Variants in ARHGEF2 observed in about 807,000 individuals in gnomAD.
The protein encoded by ARHGEF2 is Rho/Rac guanine nucleotide exchange factor 2.
ARHGEF2 carries 22 observed loss-of-function variants against 121.0 expected under a neutral mutation model. The observed-to-expected ratio is 0.18, with a 90% CI of 0.13 to 0.26. The LOEUF (loss-of-function observed/expected upper bound fraction) is 0.26. Ranked by LOEUF, ARHGEF2 falls within the 10% of genes least tolerant of loss-of-function variation. The pLI is 1.00. For synonymous variants in ARHGEF2, 487 were observed against 530.0 expected, an observed-to-expected ratio of 0.92 and a Z score of 1.11; for missense variants, 907 against 1,336.0, an observed-to-expected ratio of 0.68 and a Z score of 5.01.
chr1:155,978,644 GC>G (rs1333132244), upstream of ARHGEF2: 19 of 1,204,830 alleles, frequency 1.6e-5, no homozygotes, highest in Non-Finnish European at 1.9e-5. This position sits in a 1 kb window ranked among gnomAD's most constrained non-coding sequence, Gnocchi z 4.1. Flanking sequence ...AGGGCGGGGT[GC>G]CCGCGCGCAG....
chr1:155,970,558 G>A lies in ARHGEF2; in HGVS notation c.64-1258C>T, dbSNP rs181676052. On this transcript the variant is annotated intron_variant, in intron 1 of 21. Coordinates refer to ENST00000361247, the MANE Select transcript of ARHGEF2 (RefSeq NM_001162383.2). ...ATCAGGATCCAGATGGCTGAGGGTAGAAGCCCCAAGTCAGAGGACCTGGAC... is the reference window on the plus strand; with the variant it reads ...ATCAGGATCCAGATGGCTGAGGGTAAAAGCCCCAAGTCAGAGGACCTGGAC... 7.5e-5 allele frequency: 74 copies of A among 985,570 alleles called. 1 individual carries two copies. The African/African-American group carries it at 1.1e-3, about 15-fold the overall frequency. 61.1% of individuals were successfully genotyped at this position (985,570 alleles called of 1,614,324 possible). A position where few individuals can be genotyped will look rare whatever the true frequency, so the allele number is the denominator to read the frequency against.
At chr1:155,957,625 T>G in intron 13 of ARHGEF2, 88 bp downstream of exon 13, 1 of 1,438,356 alleles carries the variant, frequency 7.0e-7, no homozygotes. Flanking sequence ...AATGCTGGAT[T>G]CTGTTCCCAG....
intron 2 of ARHGEF2, 33 bp downstream of exon 2, chr1:155,969,123 G>A (rs1558043164): frequency 6.2e-7 from 1 of 1,612,310 alleles, no homozygotes; most frequent in Non-Finnish European, 8.5e-7. Context: ...TGGGCACCGA[G>A]TCTGGGTGAC....
At chr1:155,979,308 T>C (rs1257353652), upstream of ARHGEF2, 9 of 985,288 alleles carry the variant, frequency 9.1e-6, no homozygotes, top group Non-Finnish European at 1.1e-5. Context: ...GTTCTCTCTG[T>C]TGCAAGTTAA....
At chr1:155,971,033 C>T (rs1680355825) in intron 1 of ARHGEF2, 32 of 987,028 alleles carry the variant, frequency 3.2e-5, no homozygotes, top group Non-Finnish European at 3.9e-5. Context: ...CCTTCCCTTT[C>T]TCAGCCTTGC....
Position 155,962,058 on chromosome 1 carries a change from C to G in ARHGEF2, c.1219+47G>C. 1 of 1,610,508 alleles carries G rather than the reference C, an allele frequency of 6.2e-7. No homozygotes were observed. The highest frequency in any genetic ancestry group is 8.5e-7 in the Non-Finnish European group (1 of 1,177,070). On this transcript the variant is annotated intron_variant, in intron 10 of 21. Transcript: ENST00000361247. This position sits in a 1 kb window ranked among gnomAD's most constrained non-coding sequence, Gnocchi z 5.8. ...TGGTCATACCGAGCCTTTCCTCACC[C>G]CAGGTGGCCGTCTCCCAGTGGCCCT...
chr1:155,948,553 C>T (rs1055585995), intron 21 of ARHGEF2, among the ~76,000 whole-genome samples: 2 of 152,104 alleles, frequency 1.3e-5, no homozygotes, highest in African/African-American at 4.8e-5. Context: ...ATTGCTTGAA[C>T]TTGGGAGGTG....
At chr1:155,974,052 A>G (rs1375786481) in intron 1 of ARHGEF2, among the ~76,000 whole-genome samples, 1 of 152,022 alleles carries the variant, frequency 6.6e-6, no homozygotes, top group African/African-American at 2.4e-5. Flanking sequence ...TAGATTTTAA[A>G]AACTTAATGT....
chr1:155,972,578 C>T (rs1347114067), intron 1 of ARHGEF2, among the ~76,000 whole-genome samples: 2 of 152,106 alleles, frequency 1.3e-5, no homozygotes, highest in African/African-American at 4.8e-5. Flanking sequence ...CCTTTACCTC[C>T]AAGACCCAAC....
chr1:155,976,094 A>T (rs1342985309), intron 1 of ARHGEF2, among the ~76,000 whole-genome samples: 1 of 151,734 alleles, frequency 6.6e-6, no homozygotes, highest in African/African-American at 2.4e-5. Context: ...GCTCCCAGGG[A>T]ATGAGGCAAG....
At chr1:155,956,888 A>AG (rs1676794828) in intron 13 of ARHGEF2, among the ~76,000 whole-genome samples, 1 of 11,100 alleles carries the variant, frequency 9.0e-5, no homozygotes, top group South Asian at 7.7e-3. Flanking sequence ...CTCTGTCTCC[A>AG]AAAAAAAAAA....
At position 155,963,064 on chromosome 1, in the gene ARHGEF2, A is replaced by C. The variant is rs750433992; in HGVS notation, c.844T>G (p.Cys282Gly). The change falls in exon 8 of 22, where the codon TGC becomes GGC. Residue 282 changes from cysteine to glycine, a missense_variant. Physicochemically the swap from Cys to Gly is radical, Grantham distance 159. Coordinates refer to ENST00000361247, the MANE Select transcript of ARHGEF2 (RefSeq NM_001162383.2). ...TGGATGTCACTGAGCTCGTCCACGC[A>C]GGGGAACAGGCCCTGGACCACTCCT... Reference protein sequence around the residue: ...EPGVVQGLFPCVDELSDIHTR... With the variant: ...EPGVVQGLFPGVDELSDIHTR... 6.8e-6 allele frequency: 11 copies of C among 1,614,158 alleles called. No homozygotes were observed. Among genetic ancestry groups the C allele is most frequent in the Non-Finnish European group, 9.3e-6 (11 of 1,180,010 alleles).
intron 7 of ARHGEF2, among the ~76,000 whole-genome samples, chr1:155,964,171 T>TAC (rs1558030765): frequency 3.1e-5 from 2 of 63,552 alleles, no homozygotes; most frequent in Admixed American, 1.6e-4. Flanking sequence ...AAAAAAAATA[T>TAC]ATATATATAT....
chr1:155,968,906 C>T (rs1417938666), intron 2 of ARHGEF2: 10 of 467,350 alleles, frequency 2.1e-5, no homozygotes, highest in Non-Finnish European at 3.8e-5. Flanking sequence ...ATGACAGCTG[C>T]AAGAGGAGCC....
chr1:155,971,827 C>A (rs906188133), intron 1 of ARHGEF2, among the ~76,000 whole-genome samples: 1 of 151,332 alleles, frequency 6.6e-6, no homozygotes, highest in Non-Finnish European at 1.5e-5. Flanking sequence ...GTGGGAGGAT[C>A]GCTTGAGGCC....
intron 11 of ARHGEF2, among the ~76,000 whole-genome samples, chr1:155,959,516 G>A (rs956788606): frequency 6.6e-6 from 1 of 151,598 alleles, no homozygotes; most frequent in African/African-American, 2.4e-5. Flanking sequence ...CCGAAGTGCT[G>A]GGATTACAGG....
intron 21 of ARHGEF2, 59 bp from the exon 22 acceptor site, chr1:155,948,074 C>T: frequency 1.4e-6 from 2 of 1,414,488 alleles, no homozygotes; most frequent in Non-Finnish European, 1.9e-6. Context: ...GGAACTGTAC[C>T]CCTAGACTAA....
intron 1 of ARHGEF2, chr1:155,970,889 G>A (rs1427331540): frequency 2.0e-6 from 2 of 986,110 alleles, no homozygotes; most frequent in African/African-American, 3.5e-5. Context: ...GAGGTCTTGG[G>A]GTCAATCCCT....
intron 7 of ARHGEF2, among the ~76,000 whole-genome samples, chr1:155,964,171 T>TATATATATAC (rs1295016160): frequency 1.6e-5 from 1 of 63,552 alleles, no homozygotes; most frequent in African/African-American, 1.0e-4. Flanking sequence ...AAAAAAAATA[T>TATATATATAC]ATATATATAT....
Sources: allele counts gnomAD v4.1 joint callset (sites outside exome capture counted in the v4.1 genomes callset), GRCh38; gene constraint gnomAD v4.1.1; non-coding constraint Gnocchi (gnomAD v3.1); transcripts MANE v1.5; gene names NCBI Gene and HGNC (gene_info 2026-07-23, HGNC 2026-07-21).